HSPG2: variants seen among roughly 807,000 people sequenced by gnomAD.
HSPG2 encodes heparan sulfate proteoglycan 2.
HSPG2 carries 278 observed loss-of-function variants against 526.6 expected under a neutral mutation model. The ratio of observed to expected loss-of-function variants is 0.53; its 90% CI spans 0.48 to 0.58. The LOEUF (loss-of-function observed/expected upper bound fraction) is 0.58. HSPG2 is among the 20% of genes least tolerant of loss of function. The pLI is 0.00. For missense variants in HSPG2, 5,354 were observed against 6,099.5 expected (o/e 0.88, Z 4.07); for synonymous variants, 2,465 against 2,555.4 (o/e 0.96, Z 1.07).
Position 21,937,184 on chromosome 1 carries a change from CCAG to C in HSPG2, c.31_33del (p.Leu11del). The C allele has an allele frequency of 1.8e-6, 2 of 1,093,288 alleles. No homozygotes were observed. The highest frequency in any genetic ancestry group is 3.5e-5 in the Admixed American group (1 of 28,490). 67.7% of individuals were successfully genotyped at this position (1,093,288 alleles called of 1,614,324 possible). On this transcript the variant is annotated inframe_deletion, in exon 1 of 97. Transcript: ENST00000374695. ...AGCAGCCGCCCGTGCAGCAGCAGCG[CCAG>C]CAGCAGCGCGCCCGCCGCCCGCCAC... is the stretch of plus-strand genomic sequence containing the variant.
intron 45 of HSPG2, 44 bp downstream of exon 45, chr1:21,855,743 C>G: frequency 3.1e-6 from 5 of 1,609,134 alleles, no homozygotes; most frequent in Non-Finnish European, 4.2e-6. Flanking sequence ...CCTCCCACAC[C>G]CAGGAGAGTC....
intron 6 of HSPG2, 115 bp downstream of exon 6, chr1:21,889,866 T>C (rs2152765389): frequency 2.9e-6 from 3 of 1,045,312 alleles, no homozygotes; most frequent in Middle Eastern, 2.0e-4. Context: ...TCAGGAGTAG[T>C]GAGCTCCCTG....
In HSPG2 at chr1:21,857,693, C is replaced by T. The variant is rs374098691; in HGVS notation, c.5294-308G>A. Among the ~76,000 whole-genome samples, 12 of 152,290 alleles carry T rather than the reference C, an allele frequency of 7.9e-5. 1 individual carries two copies. The highest frequency in any genetic ancestry group is 2.4e-4 in the African/African-American group (10 of 41,540). The stretch of plus-strand genomic sequence containing the variant: ...ACACCCCACTCCAACTGGGTTTCTC[C>T]GTCTGGTTTGAGTTTCTATCCCCCA... On this transcript the variant is annotated intron_variant, in intron 42 of 96. Transcript: ENST00000374695.
intron 18 of HSPG2, 129 bp downstream of exon 18, chr1:21,878,865 G>T: frequency 7.6e-7 from 1 of 1,308,726 alleles, no homozygotes; most frequent in Non-Finnish European, 1.1e-6. Flanking sequence ...GAGAGGTCCA[G>T]GAGCATGGGA....
Position 21,873,953 on chromosome 1 carries a change from G to A in HSPG2, c.3715C>T (p.Pro1239Ser), listed in dbSNP as rs1640853657. ...DGHPTCDACS[P>S]GHSGRHCERC... is the part of the protein sequence containing the mutation. Reference sequence around the variant, plus strand: ...TCACAGTGACGCCCACTGTGGCCTGGGGAGCACGCATCACAGGTGGGGTGG... The same window carrying A: ...TCACAGTGACGCCCACTGTGGCCTGAGGAGCACGCATCACAGGTGGGGTGG... The change falls in exon 29 of 97, where the codon CCA (proline) becomes TCA (serine). Residue 1239 changes from proline (P) to serine (S), a missense_variant. Pro to Ser is a moderately conservative substitution (Grantham distance 74). Coordinates refer to ENST00000374695, the MANE Select transcript of HSPG2 (RefSeq NM_005529.7). 1.2e-6 allele frequency: 2 copies of A among 1,604,066 alleles called. No homozygotes were observed. Among genetic ancestry groups the A allele is most frequent in the Non-Finnish European group, 1.7e-6 (2 of 1,175,238 alleles).
intron 33 of HSPG2, among the ~76,000 whole-genome samples, chr1:21,869,989 C>G (rs1640523634): frequency 6.6e-6 from 1 of 152,242 alleles, no homozygotes; most frequent in South Asian, 2.1e-4. Flanking sequence ...CTCGGCCTGA[C>G]TCTCTTTGTG....
chr1:21,884,926 G>A lies in HSPG2; in HGVS notation c.1356-8C>T, dbSNP rs1641771997. 8 of 1,613,984 alleles carry A rather than the reference G, an allele frequency of 5.0e-6. No homozygotes were observed. The highest frequency in any genetic ancestry group is 6.8e-6 in the Non-Finnish European group (8 of 1,180,012). On this transcript the variant is annotated splice_region_variant and splice_polypyrimidine_tract_variant and intron_variant, in intron 11 of 96. Coordinates refer to ENST00000374695, the MANE Select transcript of HSPG2 (RefSeq NM_005529.7). ...TCGCTGGTCACTGTCACCCTGGTGA[G>A]CCCCAAGACAAGTGGTAGGATCTGG...
At chr1:21,837,110 C>T in intron 74 of HSPG2, 104 bp from the exon 75 acceptor site, 1 of 1,013,260 alleles carries the variant, frequency 9.9e-7, no homozygotes, top group Non-Finnish European at 1.5e-6. Context: ...AAGGAATGTT[C>T]TCCTGATAGC....
chr1:21,875,584 C>T, intron 25 of HSPG2, 45 bp downstream of exon 25: 7 of 1,459,868 alleles, frequency 4.8e-6, no homozygotes, highest in Non-Finnish European at 6.7e-6. Context: ...TAGATGGAGC[C>T]CCTCCCCAAG....
At position 21,847,200 on chromosome 1, in the gene HSPG2, T is replaced by A. The variant is rs1358273062; in HGVS notation, c.8164+154A>T. Among the ~76,000 whole-genome samples, 2 of 152,214 alleles carry A rather than the reference T, an allele frequency of 1.3e-5. No individual in the cohort carries two copies. The highest frequency in any genetic ancestry group is 1.5e-5 in the Non-Finnish European group (1 of 68,036). ...ACGTGGCTATTGAGAATTTGAAATG[T>A]TAGAAATGGGGTAGCCGTAGCCACT... On this transcript the variant is annotated intron_variant, in intron 62 of 96. Coordinates refer to ENST00000374695, the MANE Select transcript of HSPG2 (RefSeq NM_005529.7). This position sits in a 1 kb window ranked among gnomAD's most constrained non-coding sequence, Gnocchi z 4.1.
intron 1 of HSPG2, among the ~76,000 whole-genome samples, chr1:21,914,172 T>TG (rs1468862580): frequency 3.3e-5 from 5 of 152,194 alleles, no homozygotes; most frequent in African/African-American, 1.2e-4. Flanking sequence ...ACCGTCTACT[T>TG]GGAGACCGAT....
intron 21 of HSPG2, among the ~76,000 whole-genome samples, chr1:21,877,072 A>AAAG (rs1641132481): frequency 6.6e-6 from 1 of 151,258 alleles, no homozygotes; most frequent in African/African-American, 2.4e-5. Flanking sequence ...AAAAAAAAAA[A>AAAG]AAAAGAAAAG....
At position 21,851,600 on chromosome 1, in the gene HSPG2, G is replaced by A; in HGVS notation, c.7104C>T (p.Ser2368=). ...GCTTGTGCCACGTGACCTGGGCATG[G>A]GACTGCCCGGGCACCACGCAGTTCA... is the stretch of plus-strand genomic sequence containing the variant. The part of the protein sequence containing the change: ...LDLNCVVPGQ[S]HAQVTWHKRG... Residue 2368 remains serine, a synonymous_variant, in exon 55 of 97, where the codon TCC becomes TCT. Transcript: ENST00000374695. 1 of 1,613,990 alleles carries A rather than the reference G, an allele frequency of 6.2e-7. No individual in the cohort carries two copies. The highest frequency in any genetic ancestry group is 8.5e-7 in the Non-Finnish European group (1 of 1,180,034).
chr1:21,920,363 C>G (rs572939160), intron 1 of HSPG2, among the ~76,000 whole-genome samples: 73 of 152,344 alleles, frequency 4.8e-4, no homozygotes, highest in Middle Eastern at 3.4e-3. Context: ...CCACCCGCCT[C>G]GAGTAGCAGC....
chr1:21,891,800 G>A (rs201636961), intron 3 of HSPG2, among the ~76,000 whole-genome samples: 1 of 152,064 alleles, frequency 6.6e-6, no homozygotes, highest in East Asian at 1.9e-4. Flanking sequence ...TGATAGAGAT[G>A]GGGTCTTGCT....
At position 21,898,669 on chromosome 1, in the gene HSPG2, G is replaced by A. The variant is rs1381403407; in HGVS notation, c.64-2359C>T. Among the ~76,000 whole-genome samples, 1 of 152,238 alleles carries A rather than the reference G, an allele frequency of 6.6e-6. No homozygotes were observed. Among genetic ancestry groups the A allele is most frequent in the Non-Finnish European group, 1.5e-5 (1 of 68,038 alleles). ...GCAGTGTTCCCACTGGCTGGAGCAG[G>A]CCTGACTGACCCAACGTGGGTATGA... On this transcript the variant is annotated intron_variant, in intron 1 of 96. Coordinates refer to ENST00000374695, the MANE Select transcript of HSPG2 (RefSeq NM_005529.7). This position sits in a 1 kb window ranked among gnomAD's most constrained non-coding sequence, Gnocchi z 4.0.
At position 21,904,947 on chromosome 1, in the gene HSPG2, C is replaced by T. The variant is rs540514680; in HGVS notation, c.64-8637G>A. On this transcript the variant is annotated intron_variant, in intron 1 of 96. Coordinates refer to ENST00000374695, the MANE Select transcript of HSPG2 (RefSeq NM_005529.7). The surrounding 1 kb of genome is among the most constrained non-coding windows in gnomAD (Gnocchi z 4.4). ...CTCCTGGGTCACTGCCCACAGATTT[C>T]ATGAATGATGCCCCTTGCACAGTGC... Among the ~76,000 whole-genome samples the T allele has an allele frequency of 1.2e-3, 186 of 152,322 alleles. No homozygotes were observed. The highest frequency in any genetic ancestry group is 3.4e-3 in the Middle Eastern group (1 of 294).
intron 1 of HSPG2, among the ~76,000 whole-genome samples, chr1:21,919,920 T>C (rs1643988186): frequency 6.6e-6 from 1 of 152,226 alleles, no homozygotes. Flanking sequence ...TGTTTTTTCT[T>C]TTTTGAGACA....
At chr1:21,842,660 T>A (rs894084383) in intron 67 of HSPG2, 110 bp downstream of exon 67, 1 of 1,411,652 alleles carries the variant, frequency 7.1e-7, no homozygotes, top group Non-Finnish European at 9.9e-7. Context: ...ACGTATTTTA[T>A]CCCCTGGGGT....
Sources: gnomAD v4.1 joint callset for allele counts (sites outside exome capture counted in the v4.1 genomes callset) on GRCh38, gnomAD v4.1.1 for gene constraint, Gnocchi (gnomAD v3.1) non-coding constraint, MANE v1.5 for transcripts, NCBI Gene and HGNC (gene_info 2026-07-23, HGNC 2026-07-21) for gene names.